Variants in CSMD1 observed in about 807,000 individuals in gnomAD.
The protein encoded by CSMD1 is CUB and sushi domain-containing protein 1.
CSMD1 carries 213 observed loss-of-function variants against 417.5 expected under a neutral mutation model. The observed-to-expected ratio is 0.51, with a 90% CI of 0.46 to 0.57. CSMD1 has a LOEUF of 0.57. CSMD1 is among the 20% of genes least tolerant of loss of function. The pLI is 0.00. For synonymous variants in CSMD1, 2,862 were observed against 1,736.8 expected (o/e 1.65, Z -16.11); for missense variants, 6,923 against 4,529.7 (o/e 1.53, Z -15.17).
At chr8:3,456,386 C>A (rs1456509940) in intron 12 of CSMD1, among the ~76,000 whole-genome samples, 1 of 152,104 alleles carries the variant, frequency 6.6e-6, no homozygotes, top group Admixed American at 6.6e-5. Context: ...CTTCTGCATC[C>A]CTCACGCTGG....
chr8:3,739,919 T>C (rs2623709), intron 6 of CSMD1, among the ~76,000 whole-genome samples: 141,918 of 152,176 alleles, frequency 0.93, 66,996 homozygotes, highest in Non-Finnish European at 1. Context: ...GCAATGAGGA[T>C]ATTTTCTCTA....
At chr8:3,752,849 C>G (rs373973858) in intron 6 of CSMD1, among the ~76,000 whole-genome samples, 2 of 152,168 alleles carry the variant, frequency 1.3e-5, no homozygotes. Context: ...TTCCCCGCAA[C>G]TGACCCTTGT....
chr8:4,458,900 G>C (rs1304464209), intron 2 of CSMD1, among the ~76,000 whole-genome samples: 4 of 152,190 alleles, frequency 2.6e-5, no homozygotes, highest in African/African-American at 7.2e-5. Flanking sequence ...AATGGGTGGA[G>C]AATGTATTAA....
At chr8:3,590,453 C>G (rs1460183346) in intron 8 of CSMD1, among the ~76,000 whole-genome samples, 1 of 152,126 alleles carries the variant, frequency 6.6e-6, no homozygotes, top group African/African-American at 2.4e-5. Flanking sequence ...GGAAAGTTTT[C>G]AAAGACTAGT....
At chr8:3,826,314 TG>T (rs112583361) in intron 5 of CSMD1, among the ~76,000 whole-genome samples, 6,617 of 152,174 alleles carry the variant, frequency 0.043, 155 homozygotes, top group South Asian at 0.058. Context: ...TTGTCTTAAC[TG>T]GGGGCTTGAA....
At chr8:3,675,928 G>C (rs569822490) in intron 7 of CSMD1, among the ~76,000 whole-genome samples, 2 of 152,270 alleles carry the variant, frequency 1.3e-5, no homozygotes, top group Admixed American at 6.5e-5. Context: ...CATCATTGGA[G>C]AGTAATGTAC....
intron 3 of CSMD1, among the ~76,000 whole-genome samples, chr8:4,210,741 A>C (rs1424418432): frequency 6.6e-6 from 1 of 152,200 alleles, no homozygotes; most frequent in East Asian, 1.9e-4. Flanking sequence ...CAAAATCTTC[A>C]ACATACTGAA....
At chr8:4,701,371 C>T (rs1163599153) in intron 1 of CSMD1, among the ~76,000 whole-genome samples, 1 of 151,366 alleles carries the variant, frequency 6.6e-6, no homozygotes, top group Non-Finnish European at 1.5e-5. Context: ...TTTATCTTGC[C>T]AGGCACCTAA....
chr8:4,078,719 G>C (rs1201116319), intron 3 of CSMD1, among the ~76,000 whole-genome samples: 4 of 149,332 alleles, frequency 2.7e-5, no homozygotes, highest in Non-Finnish European at 5.9e-5. Flanking sequence ...GTTCTCCATA[G>C]ATTGCTTTAA....
At chr8:4,158,827 C>G (rs994204686) in intron 3 of CSMD1, among the ~76,000 whole-genome samples, 2 of 152,154 alleles carry the variant, frequency 1.3e-5, no homozygotes, top group African/African-American at 2.4e-5. Context: ...GATGTAGAAT[C>G]CAATAATAGG....
intron 3 of CSMD1, among the ~76,000 whole-genome samples, chr8:4,093,981 GATAGA>G (rs1800861207): frequency 4.7e-5 from 7 of 147,500 alleles, no homozygotes; most frequent in Admixed American, 4.0e-4. Context: ...TAGATAGATA[GATAGA>G]TAGATAGATA....
At chr8:3,898,200 G>C (rs1210355092) in intron 5 of CSMD1, among the ~76,000 whole-genome samples, 2 of 152,104 alleles carry the variant, frequency 1.3e-5, no homozygotes, top group African/African-American at 2.4e-5. Flanking sequence ...ACAAGCTTAT[G>C]AGTATGGAAA....
intron 31 of CSMD1, among the ~76,000 whole-genome samples, chr8:3,203,790 G>C (rs1797111720): frequency 1.3e-5 from 2 of 152,196 alleles, no homozygotes; most frequent in Admixed American, 6.5e-5. Context: ...TTTTGGATGA[G>C]AATAGAGGAA....
Position 4,365,450 on chromosome 8 carries a change from T to C in CSMD1, c.415+54503A>G, listed in dbSNP as rs141375714. ...GAAAAATAAAAGACAACATTTCTTTTTAGATTGTCTGTTCTTTTTCTCCAA... is the reference window on the plus strand; with the variant it reads ...GAAAAATAAAAGACAACATTTCTTTCTAGATTGTCTGTTCTTTTTCTCCAA... On this transcript the variant is annotated intron_variant, in intron 3 of 69. Transcript: ENST00000635120. Among the ~76,000 whole-genome samples, 802 of 152,348 alleles carry C rather than the reference T, an allele frequency of 5.3e-3. 9 individuals are homozygous for C. Among genetic ancestry groups the C allele is most frequent in the African/African-American group, 0.019 (769 of 41,566 alleles).
chr8:3,998,659 T>C (rs1025697944), intron 4 of CSMD1, among the ~76,000 whole-genome samples: 7 of 152,206 alleles, frequency 4.6e-5, no homozygotes, highest in African/African-American at 1.7e-4. Flanking sequence ...TAGAAAACAG[T>C]TACATGAAAC....
chr8:4,550,140 G>C (rs1405505783), intron 2 of CSMD1, among the ~76,000 whole-genome samples: 1 of 151,654 alleles, frequency 6.6e-6, no homozygotes, highest in Non-Finnish European at 1.5e-5. Flanking sequence ...TTTCTGCTTG[G>C]TGTGGCCACA....
intron 46 of CSMD1, among the ~76,000 whole-genome samples, chr8:3,098,053 A>C (rs553148912): frequency 1.1e-3 from 165 of 152,362 alleles, no homozygotes; most frequent in Non-Finnish European, 1.6e-3. Context: ...AAAACACTAG[A>C]GTCTCCTAAT....
At chr8:3,440,429 A>G (rs943848562) in intron 12 of CSMD1, among the ~76,000 whole-genome samples, 1 of 152,194 alleles carries the variant, frequency 6.6e-6, no homozygotes, top group Admixed American at 6.5e-5. Flanking sequence ...ATTTTAAAGA[A>G]ATTGGGTGTT....
intron 50 of CSMD1, among the ~76,000 whole-genome samples, chr8:3,031,922 T>C (rs1810365714): frequency 6.6e-6 from 1 of 151,600 alleles, no homozygotes; most frequent in African/African-American, 2.4e-5. Flanking sequence ...TCTTTTTACA[T>C]TTTTTTAGTA....
Sources: gnomAD v4.1 joint callset for allele counts (sites outside exome capture counted in the v4.1 genomes callset) on GRCh38, gnomAD v4.1.1 for gene constraint, MANE v1.5 for transcripts, NCBI Gene and HGNC (gene_info 2026-07-23, HGNC 2026-07-21) for gene names.